ZNF490: variants seen among roughly 807,000 people sequenced by gnomAD.
The protein encoded by ZNF490 is zinc finger protein 490.
Under a neutral mutation model 17.7 loss-of-function variants are expected in ZNF490, and 11 were observed. The observed-to-expected ratio is 0.62, with a 90% CI of 0.39 to 1.03. The LOEUF (loss-of-function observed/expected upper bound fraction) is 1.03, where lower values mean the gene tolerates loss of function less well. ZNF490 is among the 50% of genes least tolerant of loss of function. ZNF490 has a pLI of 0.00. For synonymous variants in ZNF490, 222 were observed against 216.1 expected, an observed-to-expected ratio of 1.03 and a Z score of -0.24; for missense variants, 542 against 643.4, an observed-to-expected ratio of 0.84 and a Z score of 1.71.
At chr19:12,610,503 TTATAAAC>T in intron 1 of ZNF490, 54 bp downstream of exon 1, 1 of 1,335,452 alleles carries the variant, frequency 7.5e-7, no homozygotes. Flanking sequence ...AACCGTCTGT[TTATAAAC>T]AAGGGTCACT....
intron 2 of ZNF490, among the ~76,000 whole-genome samples, chr19:12,600,496 T>C (rs186153056): frequency 6.6e-6 from 1 of 152,292 alleles, no homozygotes; most frequent in Admixed American, 6.6e-5. Flanking sequence ...TATGGCTTTC[T>C]TTGGACTATA....
chr19:12,577,629 A>G lies in ZNF490; in HGVS notation c.*2856T>C. On this transcript the variant is annotated 3_prime_UTR_variant, in exon 5 of 5. Transcript: ENST00000311437. ...TAGCCGTCACTTCCACTGAGGCCTC[A>G]TCTGCCAGCAAACCTTGCTCCAGTC... is the stretch of plus-strand genomic sequence containing the variant. 1 of 985,482 alleles carries G rather than the reference A, an allele frequency of 1.0e-6. No individual in the cohort carries two copies. Among genetic ancestry groups the G allele is most frequent in the Non-Finnish European group, 1.2e-6 (1 of 829,970 alleles). The allele number at this position is 985,482 out of a possible 1,614,324, so 61.0% of individuals were successfully genotyped here.
Position 12,610,805 on chromosome 19 carries a change from G to T in ZNF490, c.-125C>A. 1 of 1,000,854 alleles carries T rather than the reference G, an allele frequency of 1.0e-6. No individual in the cohort carries two copies. The highest frequency in any genetic ancestry group is 1.5e-6 in the Non-Finnish European group (1 of 648,840). 62.0% of individuals were successfully genotyped at this position (1,000,854 alleles called of 1,614,324 possible). A position where few individuals can be genotyped will look rare whatever the true frequency, so the allele number is the denominator to read the frequency against. ...AGTTCCGTCCCACCGGCGGAAGCGAGATCTGCCTAGCTACTAGACCTGCTG... is the reference window on the plus strand; with the variant it reads ...AGTTCCGTCCCACCGGCGGAAGCGATATCTGCCTAGCTACTAGACCTGCTG... On this transcript the variant is annotated 5_prime_UTR_variant, in exon 1 of 5. Transcript: ENST00000311437.
At chr19:12,602,074 C>CTATATATATATA (rs145824680) in intron 2 of ZNF490, among the ~76,000 whole-genome samples, 22 of 131,432 alleles carry the variant, frequency 1.7e-4, no homozygotes, top group African/African-American at 5.7e-4. Context: ...ACTCAGTTCA[C>CTATATATATATA]TATATACACA....
rs1314880845 is a variant in ZNF490, at chr19:12,581,026, C to T, written c.1049G>A (p.Arg350Gln). 25 of 1,613,900 alleles carry T rather than the reference C, an allele frequency of 1.5e-5. No homozygotes were observed. The highest frequency in any genetic ancestry group is 2.2e-5 in the East Asian group (1 of 44,888). ...GRAFFSHSSL[R>Q]KHVKTHTGVQ... ...TCCGGTGTGGGTTTTCACGTGTTTT[C>T]GAAGGCTTGAGTGAGAAAAGAAGGC... The change falls in exon 5 of 5, where the codon CGA (arginine) becomes CAA (glutamine). Residue 350 changes from arginine (R) to glutamine (Q), a missense_variant. Coordinates refer to ENST00000311437, the MANE Select transcript of ZNF490 (RefSeq NM_020714.3).
chr19:12,581,736 G>A lies in ZNF490; in HGVS notation c.351-12C>T. 6.3e-7 allele frequency: 1 copy of A among 1,582,788 alleles called. No individual in the cohort carries two copies. The highest frequency in any genetic ancestry group is 8.6e-7 in the Non-Finnish European group (1 of 1,163,628). ...CAACCATAGGACTTCTGTAAAGAAT[G>A]AGTACCGTATTATTAATAGTTTTGT... On this transcript the variant is annotated splice_polypyrimidine_tract_variant and intron_variant, in intron 4 of 4. Transcript: ENST00000311437.
chr19:12,600,377 G>A (rs978904278), intron 2 of ZNF490, among the ~76,000 whole-genome samples: 1 of 149,920 alleles, frequency 6.7e-6, no homozygotes. Context: ...AAAAAAAAAA[G>A]AAAAGAAAAG....
At position 12,578,129 on chromosome 19, in the gene ZNF490, G is replaced by C; in HGVS notation, c.*2356C>G. The C allele has an allele frequency of 1.0e-6, 1 of 985,478 alleles. No individual in the cohort carries two copies. The highest frequency in any genetic ancestry group is 1.2e-6 in the Non-Finnish European group (1 of 830,010). 61.0% of individuals were successfully genotyped at this position (985,478 alleles called of 1,614,324 possible). A position where few individuals can be genotyped will look rare whatever the true frequency, so the allele number is the denominator to read the frequency against. ...GAGCTAAGTGCTAGTCTTAGCGGGA[G>C]GCTAGGAAACCAGTCCTGGAGCAGG... On this transcript the variant is annotated 3_prime_UTR_variant, in exon 5 of 5. Transcript: ENST00000311437.
At chr19:12,589,568 C>CTTTTT in intron 2 of ZNF490, among the ~76,000 whole-genome samples, 1 of 125,752 alleles carries the variant, frequency 8.0e-6, no homozygotes, top group Non-Finnish European at 1.7e-5. Flanking sequence ...TCTTCTTCTT[C>CTTTTT]TTTTTTTTTT....
At chr19:12,600,880 C>G (rs2022993849) in intron 2 of ZNF490, among the ~76,000 whole-genome samples, 1 of 152,102 alleles carries the variant, frequency 6.6e-6, no homozygotes, top group Non-Finnish European at 1.5e-5. Context: ...CACTTAAGCC[C>G]AGGAGTTCCA....
chr19:12,595,172 G>A (rs2022916432), intron 2 of ZNF490, among the ~76,000 whole-genome samples: 1 of 151,550 alleles, frequency 6.6e-6, no homozygotes, highest in African/African-American at 2.4e-5. Flanking sequence ...ACCGAGTTTC[G>A]CTCTTGTTGT....
intron 2 of ZNF490, among the ~76,000 whole-genome samples, chr19:12,590,250 G>A (rs1318115874): frequency 1.3e-5 from 2 of 148,860 alleles, no homozygotes; most frequent in Non-Finnish European, 1.5e-5. Flanking sequence ...GTTTCGCTCT[G>A]TTGCCCAGGC....
chr19:12,581,889 G>A (rs551843154), intron 4 of ZNF490, among the ~76,000 whole-genome samples, 165 bp from the exon 5 acceptor site: 36 of 152,206 alleles, frequency 2.4e-4, no homozygotes, highest in African/African-American at 7.2e-4. Context: ...AGAACAGGCC[G>A]TGACCATAGC....
chr19:12,586,069 G>C lies in ZNF490; in HGVS notation c.163-2513C>G, dbSNP rs2022804926. On this transcript the variant is annotated intron_variant, in intron 2 of 4. Coordinates refer to ENST00000311437, the MANE Select transcript of ZNF490 (RefSeq NM_020714.3). ...TAATCCCAGCACTTTGGGAGGCGGG[G>C]GGCGGGCAGATCACTTGACATCAGG... is the stretch of plus-strand genomic sequence containing the variant. Among the ~76,000 whole-genome samples the C allele has an allele frequency of 2.2e-5, 2 of 91,790 alleles. 1 individual carries two copies. Among genetic ancestry groups the C allele is most frequent in the Admixed American group, 2.1e-4 (2 of 9,744 alleles). The allele number at this position is 91,790 out of a possible 152,430, so 60.2% of individuals were successfully genotyped here.
Position 12,577,384 on chromosome 19 carries a change from G to C in ZNF490, c.*3101C>G. On this transcript the variant is annotated 3_prime_UTR_variant, in exon 5 of 5. Transcript: ENST00000311437. ...CCCATTCTGACAGTGAAGGAATCTC[G>C]AACTTCCTGACCTCCCACAGTACAA... 5.2e-6 allele frequency: 5 copies of C among 970,696 alleles called. No individual in the cohort carries two copies. Among genetic ancestry groups the C allele is most frequent in the Non-Finnish European group, 6.1e-6 (5 of 816,584 alleles). 60.1% of individuals were successfully genotyped at this position (970,696 alleles called of 1,614,324 possible). A position where few individuals can be genotyped will look rare whatever the true frequency, so the allele number is the denominator to read the frequency against.
At chr19:12,601,185 G>A (rs183576166) in intron 2 of ZNF490, among the ~76,000 whole-genome samples, 9 of 151,510 alleles carry the variant, frequency 5.9e-5, no homozygotes, top group East Asian at 5.8e-4. Context: ...TCAGGAGATC[G>A]AGACCATCCT....
rs574009555 is a variant in ZNF490 at position 12,590,501 on chromosome 19, C to T, written c.163-6945G>A. Among the ~76,000 whole-genome samples, 39 of 152,230 alleles carry T rather than the reference C, an allele frequency of 2.6e-4. 1 individual carries two copies. In the South Asian group the frequency reaches 7.7e-3, roughly 30 times the overall value. ...GCCTCCTAAAGTGCTGGATTACAGG[C>T]ATGAGCCACCGTGCCTGGCCCCTCT... On this transcript the variant is annotated intron_variant, in intron 2 of 4. Coordinates refer to ENST00000311437, the MANE Select transcript of ZNF490 (RefSeq NM_020714.3).
Position 12,577,999 on chromosome 19 carries a change from C to T in ZNF490, c.*2486G>A. 1 of 985,442 alleles carries T rather than the reference C, an allele frequency of 1.0e-6. No homozygotes were observed. Among genetic ancestry groups the T allele is most frequent in the South Asian group, 4.7e-5 (1 of 21,294 alleles). The allele number at this position is 985,442 out of a possible 1,614,324, so 61.0% of individuals were successfully genotyped here. A position where few individuals can be genotyped will look rare whatever the true frequency, so the allele number is the denominator to read the frequency against. ...TTATTGGGAGTTGAGTTCACCTTGCCTTGTGATGTGAAGCAAGGTAGTTCC... is the reference window on the plus strand; with the variant it reads ...TTATTGGGAGTTGAGTTCACCTTGCTTTGTGATGTGAAGCAAGGTAGTTCC... On this transcript the variant is annotated 3_prime_UTR_variant, in exon 5 of 5. Transcript: ENST00000311437.
chr19:12,588,416 G>A (rs533822307), intron 2 of ZNF490, among the ~76,000 whole-genome samples: 1 of 152,162 alleles, frequency 6.6e-6, no homozygotes, highest in Non-Finnish European at 1.5e-5. Context: ...AATTCACCAA[G>A]AAGACAAGGC....
Sources: gnomAD v4.1 joint callset for allele counts (sites outside exome capture counted in the v4.1 genomes callset) on GRCh38, gnomAD v4.1.1 for gene constraint, MANE v1.5 for transcripts, NCBI Gene and HGNC (gene_info 2026-07-23, HGNC 2026-07-21) for gene names.